SENP7: variants seen among roughly 807,000 people sequenced by gnomAD.
The protein encoded by SENP7 is sentrin-specific protease 7.
Under a neutral mutation model 141.2 loss-of-function variants are expected in SENP7, and 64 were observed. The observed-to-expected ratio is 0.45, with a 90% CI of 0.37 to 0.56. The LOEUF (loss-of-function observed/expected upper bound fraction) is 0.56, where lower values mean the gene tolerates loss of function less well. Among genes scored for constraint, SENP7 ranks in the 20% least tolerant of loss-of-function variants. SENP7 has a pLI of 0.00. For synonymous variants in SENP7, 382 were observed against 426.4 expected, an observed-to-expected ratio of 0.90 and a Z score of 1.28; for missense variants, 1,025 against 1,212.2, an observed-to-expected ratio of 0.85 and a Z score of 2.29.
intron 11 of SENP7, among the ~76,000 whole-genome samples, chr3:101,354,044 T>C (rs2107290422): frequency 6.6e-6 from 1 of 152,118 alleles, no homozygotes; most frequent in South Asian, 2.1e-4. Context: ...ACCTGAAATT[T>C]TTACCCTTTT....
intron 1 of SENP7, among the ~76,000 whole-genome samples, chr3:101,502,120 A>C (rs2065406224): frequency 6.6e-6 from 1 of 152,212 alleles, no homozygotes; most frequent in Admixed American, 6.5e-5. Context: ...TGAAAACGTT[A>C]ATAAACTGTA....
rs747795207 is a variant in SENP7, at chr3:101,361,667, C to A, written c.1623+48G>T. 2.3e-5 allele frequency: 33 copies of A among 1,461,578 alleles called. No homozygotes were observed. The African/African-American group carries it at 4.2e-4, about 19-fold the overall frequency. 90.5% of individuals were successfully genotyped at this position (1,461,578 alleles called of 1,614,324 possible). A position where few individuals can be genotyped will look rare whatever the true frequency, so the allele number is the denominator to read the frequency against. Reference sequence around the variant, plus strand: ...AAAAAAAAGGAAAAAAATTAAAATGCCTTGTCCAAGATCCAAACTAAAAGA... The same window carrying A: ...AAAAAAAAGGAAAAAAATTAAAATGACTTGTCCAAGATCCAAACTAAAAGA... On this transcript the variant is annotated intron_variant, in intron 11 of 23. Coordinates refer to ENST00000394095, the MANE Select transcript of SENP7 (RefSeq NM_020654.5).
intron 3 of SENP7, among the ~76,000 whole-genome samples, chr3:101,493,399 A>G (rs1475991325): frequency 6.6e-6 from 1 of 152,224 alleles, no homozygotes; most frequent in African/African-American, 2.4e-5. Context: ...AATAAAAGTT[A>G]AAAAACAAAA....
intron 19 of SENP7, 31 bp from the exon 20 acceptor site, chr3:101,330,417 GT>G: frequency 6.8e-7 from 1 of 1,477,078 alleles, no homozygotes; most frequent in Non-Finnish European, 9.4e-7. Context: ...AGTTATGAGT[GT>G]TTATTGCATG....
intron 3 of SENP7, among the ~76,000 whole-genome samples, chr3:101,471,131 C>T (rs561730922): frequency 4.6e-5 from 7 of 152,290 alleles, no homozygotes; most frequent in South Asian, 2.1e-4. Context: ...TGACTTTCTT[C>T]ACAGAATTGG....
At chr3:101,498,216 A>G (rs958073244) in intron 2 of SENP7, among the ~76,000 whole-genome samples, 5 of 152,210 alleles carry the variant, frequency 3.3e-5, no homozygotes, top group Non-Finnish European at 5.9e-5. Flanking sequence ...ATAGTAAACA[A>G]AAGTTTGAGA....
At chr3:101,463,364 A>AATATATATATATATATATATATATAT (rs71625265) in intron 3 of SENP7, among the ~76,000 whole-genome samples, 18 of 89,212 alleles carry the variant, frequency 2.0e-4, no homozygotes, top group South Asian at 3.6e-4. Flanking sequence ...TAAATAAATA[A>AATATATATATATATATATATATATAT]ATATATATAT....
intron 1 of SENP7, among the ~76,000 whole-genome samples, chr3:101,509,116 A>G (rs754193841): frequency 5.3e-5 from 8 of 151,242 alleles, no homozygotes; most frequent in Non-Finnish European, 1.2e-4. Flanking sequence ...ATTATCTCCT[A>G]CCTGATATAT....
intron 1 of SENP7, among the ~76,000 whole-genome samples, chr3:101,512,674 G>A (rs1035451455): frequency 1.3e-5 from 2 of 152,174 alleles, no homozygotes. Flanking sequence ...GGAGGGAGAG[G>A]GGAAGGGACG....
chr3:101,505,492 C>T (rs1165353339), intron 1 of SENP7, among the ~76,000 whole-genome samples: 1 of 152,172 alleles, frequency 6.6e-6, no homozygotes, highest in African/African-American at 2.4e-5. Context: ...ATTAATGCTA[C>T]TGTGAATTCC....
Position 101,366,591 on chromosome 3 carries a change from G to C in SENP7, c.1157C>G (p.Ser386Cys). The C allele has an allele frequency of 1.9e-6, 3 of 1,613,980 alleles. No homozygotes were observed. The highest frequency in any genetic ancestry group is 1.7e-6 in the Non-Finnish European group (2 of 1,179,894). The change falls in exon 9 of 24, where the codon TCT (serine) becomes TGT (cysteine). Residue 386 changes from serine (S) to cysteine (C), a missense_variant. Ser to Cys is a moderately radical substitution (Grantham distance 112). This residue lies in a region of SENP7 where 496 missense variants were observed against 503.5 expected (regional missense o/e 0.99). Coordinates refer to ENST00000394095, the MANE Select transcript of SENP7 (RefSeq NM_020654.5). ...LTLSNATKSA[S>C]AGSTTETVEN... Reference sequence around the variant, plus strand: ...AACGGTTTCAGTGGTTGAACCGGCAGAGGCACTTTTGGTGGCATTACTCAA... The same window carrying C: ...AACGGTTTCAGTGGTTGAACCGGCACAGGCACTTTTGGTGGCATTACTCAA...
chr3:101,432,364 T>C (rs1254354781), intron 4 of SENP7, among the ~76,000 whole-genome samples: 1 of 152,222 alleles, frequency 6.6e-6, no homozygotes, highest in African/African-American at 2.4e-5. Flanking sequence ...TTGGGAGATC[T>C]TGCCATCCTG....
At chr3:101,393,282 G>A (rs1034887131) in intron 6 of SENP7, among the ~76,000 whole-genome samples, 2 of 152,006 alleles carry the variant, frequency 1.3e-5, no homozygotes, top group Admixed American at 6.6e-5. Flanking sequence ...TCTGAGCAAT[G>A]ATTTTTTAGA....
chr3:101,379,533 A>T (rs973664042), intron 6 of SENP7, among the ~76,000 whole-genome samples: 3 of 152,226 alleles, frequency 2.0e-5, no homozygotes, highest in Admixed American at 6.5e-5. Context: ...ACTTGAATAA[A>T]CATTTCTCTA....
At position 101,493,799 on chromosome 3, in the gene SENP7, T is replaced by C. The variant is rs938653758; in HGVS notation, c.186+74A>G. 32 of 876,342 alleles carry C rather than the reference T, an allele frequency of 3.7e-5. No individual in the cohort carries two copies. In the South Asian group the frequency reaches 5.9e-4, roughly 16 times the overall value. 54.3% of individuals were successfully genotyped at this position (876,342 alleles called of 1,614,324 possible). ...AAAGGGACATATCAGAAAATAAACA[T>C]TCAGTTTTATTACAATATTTTAAAC... On this transcript the variant is annotated intron_variant, in intron 3 of 23. Coordinates refer to ENST00000394095, the MANE Select transcript of SENP7 (RefSeq NM_020654.5).
intron 3 of SENP7, among the ~76,000 whole-genome samples, chr3:101,479,398 C>G (rs2064352641): frequency 6.6e-6 from 1 of 152,078 alleles, no homozygotes; most frequent in African/African-American, 2.4e-5. Context: ...GAATTCAAGA[C>G]CAGCCTGAGC....
chr3:101,425,859 T>C (rs557499125), intron 4 of SENP7, among the ~76,000 whole-genome samples: 80 of 152,226 alleles, frequency 5.3e-4, no homozygotes, highest in African/African-American at 1.8e-3. Context: ...AATTTCATAA[T>C]GCAATCGCAA....
At chr3:101,345,297 T>C (rs1269631509) in intron 13 of SENP7, among the ~76,000 whole-genome samples, 1 of 152,176 alleles carries the variant, frequency 6.6e-6, no homozygotes, top group African/African-American at 2.4e-5. Context: ...AGATTGCTTT[T>C]GGCAGTATGG....
intron 1 of SENP7, among the ~76,000 whole-genome samples, chr3:101,501,971 A>C (rs1012842807): frequency 1.3e-5 from 2 of 152,238 alleles, no homozygotes; most frequent in Non-Finnish European, 2.9e-5. Context: ...CACCATACAC[A>C]AAATTAATTT....
Sources: gnomAD v4.1 joint callset for allele counts (sites outside exome capture counted in the v4.1 genomes callset) on GRCh38, gnomAD v4.1.1 for gene constraint, gnomAD v4.1.1 regional missense constraint, MANE v1.5 for transcripts, NCBI Gene and HGNC (gene_info 2026-07-23, HGNC 2026-07-21) for gene names.